Variants in SECISBP2L observed in about 807,000 individuals in gnomAD.
SECISBP2L encodes selenocysteine insertion sequence-binding protein 2-like.
A neutral mutation model predicts 114.7 loss-of-function variants in SECISBP2L; 43 were observed. That is an observed-to-expected ratio of 0.38 (90% CI 0.29 to 0.48). The LOEUF (loss-of-function observed/expected upper bound fraction) is 0.48, where lower values mean the gene tolerates loss of function less well. Among genes scored for constraint, SECISBP2L ranks in the 20% least tolerant of loss-of-function variants. The pLI, the probability that SECISBP2L is intolerant of heterozygous loss-of-function variation, is 0.98. For missense variants in SECISBP2L, 1,136 were observed against 1,301.1 expected (o/e 0.87, Z 1.95); for synonymous variants, 451 against 439.7 (o/e 1.03, Z -0.32).
intron 2 of SECISBP2L, among the ~76,000 whole-genome samples, chr15:49,036,043 A>G (rs1032245722): frequency 6.6e-6 from 1 of 152,336 alleles, no homozygotes; most frequent in East Asian, 1.9e-4. Flanking sequence ...AGCCTTCTGT[A>G]AAGAACAGAG....
chr15:49,031,125 T>G (rs1358047903), intron 4 of SECISBP2L, among the ~76,000 whole-genome samples: 1 of 141,474 alleles, frequency 7.1e-6, no homozygotes, highest in Non-Finnish European at 1.5e-5. Context: ...CTCGGCTCAC[T>G]GCAACCTCCG....
intron 7 of SECISBP2L, 143 bp downstream of exon 7, chr15:49,027,222 A>T: frequency 2.0e-6 from 1 of 504,042 alleles, no homozygotes; most frequent in East Asian, 3.0e-5. Flanking sequence ...AAGTAAGTTT[A>T]TTAGCTAAGC....
intron 4 of SECISBP2L, 57 bp from the exon 5 acceptor site, chr15:49,028,739 C>A: frequency 7.4e-7 from 1 of 1,358,102 alleles, no homozygotes; most frequent in South Asian, 1.2e-5. Flanking sequence ...GATAAATTCT[C>A]ATTAAATCAT....
intron 4 of SECISBP2L, among the ~76,000 whole-genome samples, chr15:49,031,048 TTTTTTTTTTTTTC>T (rs970874612): frequency 1.6e-5 from 2 of 127,106 alleles, no homozygotes; most frequent in African/African-American, 6.6e-5. Context: ...TTTTTTTTTT[TTTTTTTTTTTTTC>T]CCTTTTGAGA....
At chr15:49,023,853 G>C (rs1402489743) in intron 7 of SECISBP2L, among the ~76,000 whole-genome samples, 1 of 152,172 alleles carries the variant, frequency 6.6e-6, no homozygotes, top group Admixed American at 6.5e-5. Context: ...ATAATGAAGT[G>C]AAAAAACTCT....
rs1018891714 is a variant in SECISBP2L at position 49,028,695 on chromosome 15, G to A, written c.665-13C>T. 1.2e-6 allele frequency: 2 copies of A among 1,600,874 alleles called. No homozygotes were observed. Among genetic ancestry groups the A allele is most frequent in the African/African-American group, 1.3e-5 (1 of 74,622 alleles). ...TCTGATGGGAAATCTACAAAGGCAAGGAAAGTTTGACAATTCTTTGTGATG... is the reference window on the plus strand; with the variant it reads ...TCTGATGGGAAATCTACAAAGGCAAAGAAAGTTTGACAATTCTTTGTGATG... On this transcript the variant is annotated splice_polypyrimidine_tract_variant and intron_variant, in intron 4 of 17. Coordinates refer to ENST00000559471, the MANE Select transcript of SECISBP2L (RefSeq NM_001193489.2).
At chr15:49,039,311 A>T (rs1903072445) in intron 1 of SECISBP2L, among the ~76,000 whole-genome samples, 1 of 152,144 alleles carries the variant, frequency 6.6e-6, no homozygotes, top group African/African-American at 2.4e-5. Context: ...ACTCTGTGAT[A>T]TTCATTAGAA....
chr15:49,011,245 T>C (rs1053475510), intron 13 of SECISBP2L, among the ~76,000 whole-genome samples: 3 of 152,244 alleles, frequency 2.0e-5, no homozygotes, highest in Non-Finnish European at 2.9e-5. Context: ...TCATATGTGT[T>C]GCTACTTACT....
intron 14 of SECISBP2L, among the ~76,000 whole-genome samples, chr15:49,004,625 C>G (rs550762282): frequency 6.6e-6 from 1 of 152,170 alleles, no homozygotes; most frequent in Admixed American, 6.5e-5. Flanking sequence ...GATTCTAGTA[C>G]GTTGTGTCTT....
In SECISBP2L at chr15:49,011,823, G is replaced by A. The variant is rs1296265990; in HGVS notation, c.1772C>T (p.Thr591Ile). 1.9e-6 allele frequency: 3 copies of A among 1,614,094 alleles called. No individual in the cohort carries two copies. Among genetic ancestry groups the A allele is most frequent in the East Asian group, 4.5e-5 (2 of 44,860 alleles). Residue 591 changes from threonine (T) to isoleucine (I), a missense_variant, in exon 13 of 18, where the codon ACT becomes ATT. Thr to Ile is a moderately conservative substitution (Grantham distance 89). This residue lies in a region of SECISBP2L where 684 missense variants were observed against 848.7 expected (regional missense o/e 0.81). Coordinates refer to ENST00000559471, the MANE Select transcript of SECISBP2L (RefSeq NM_001193489.2). ...GGATCCCAAAAGATTGTGGTCCACA[G>A]TTAAGCGCCCCTTCTTTTCCTCTCT... ...KEREEKKGRL[T>I]VDHNLLGSEE...
At chr15:48,999,696 A>C (rs1902164165) in intron 16 of SECISBP2L, 137 bp downstream of exon 16, 2 of 911,484 alleles carry the variant, frequency 2.2e-6, no homozygotes, top group South Asian at 2.3e-5. Flanking sequence ...ATACTCAAAA[A>C]ATTTCCATTT....
chr15:49,044,103 T>C (rs551262883), intron 1 of SECISBP2L, among the ~76,000 whole-genome samples: 65 of 152,208 alleles, frequency 4.3e-4, no homozygotes, highest in African/African-American at 1.5e-3. Context: ...CTATAATGAG[T>C]AAGTTTTAAT....
At chr15:49,041,921 A>G (rs1366562590) in intron 1 of SECISBP2L, among the ~76,000 whole-genome samples, 1 of 152,210 alleles carries the variant, frequency 6.6e-6, no homozygotes, top group Non-Finnish European at 1.5e-5. Context: ...TAAAATGCCG[A>G]AACAAAACAC....
intron 11 of SECISBP2L, among the ~76,000 whole-genome samples, chr15:49,014,604 A>T (rs1331538563): frequency 6.6e-6 from 1 of 152,122 alleles, no homozygotes; most frequent in Non-Finnish European, 1.5e-5. Flanking sequence ...TTCAAGACAG[A>T]ATCTGGAGTC....
chr15:49,016,571 A>G lies in SECISBP2L; in HGVS notation c.1550T>C (p.Leu517Pro). The change falls in exon 11 of 18, where the codon CTG (leucine) becomes CCG (proline). Residue 517 changes from leucine to proline, a missense_variant. By Grantham distance (98) the Leu-to-Pro change is moderately conservative. Around this residue, in one of 2 missense-constraint regions of SECISBP2L, gnomAD observed 684 missense variants for 848.7 expected, o/e 0.81. Transcript: ENST00000559471. ...ACTAATGATATCACCTGTATATGACAGAGGTCTGGTGTTAGTAATTTGCCG... is the reference window on the plus strand; with the variant it reads ...ACTAATGATATCACCTGTATATGACGGAGGTCTGGTGTTAGTAATTTGCCG... ...KARQITNTRPLSYTVVTAASF... is the reference protein window; with the variant it reads ...KARQITNTRPPSYTVVTAASF... 6.2e-7 allele frequency: 1 copy of G among 1,608,366 alleles called. No individual in the cohort carries two copies. Among genetic ancestry groups the G allele is most frequent in the Non-Finnish European group, 8.5e-7 (1 of 1,177,500 alleles).
Position 49,028,165 on chromosome 15 carries a change from C to T in SECISBP2L, c.898G>A (p.Val300Met). 1 of 1,577,386 alleles carries T rather than the reference C, an allele frequency of 6.3e-7. No individual in the cohort carries two copies. The highest frequency in any genetic ancestry group is 8.6e-7 in the Non-Finnish European group (1 of 1,161,502). Residue 300 changes from valine to methionine, a missense_variant, in exon 6 of 18, where the codon GTG (valine) becomes ATG (methionine). Around this residue, in one of 2 missense-constraint regions of SECISBP2L, gnomAD observed 452 missense variants for 452.3 expected, o/e 1.00. Transcript: ENST00000559471. Reference protein sequence around the residue: ...RNPDSGTMNHVESSMCAGGVN... With the variant: ...RNPDSGTMNHMESSMCAGGVN... The stretch of plus-strand genomic sequence containing the variant: ...GTACCTGCACACATAGATGATTCCA[C>T]ATGCTAAAAAAAGAAACAAAAAGAC...
intron 13 of SECISBP2L, among the ~76,000 whole-genome samples, chr15:49,010,153 A>ACACACACACACACACACACACT (rs1190593953): frequency 6.8e-6 from 1 of 147,382 alleles, no homozygotes; most frequent in Admixed American, 6.8e-5. Context: ...ACACACACAC[A>ACACACACACACACACACACACT]CCCCTCTTGC....
intron 7 of SECISBP2L, among the ~76,000 whole-genome samples, chr15:49,020,491 A>G (rs1902620802): frequency 6.6e-6 from 1 of 152,028 alleles, no homozygotes. Context: ...AGATTAAGGC[A>G]TGAGTCACAT....
At position 48,990,433 on chromosome 15, in the gene SECISBP2L, T is replaced by C. The variant is rs188369340; in HGVS notation, c.*1811A>G. On this transcript the variant is annotated 3_prime_UTR_variant, in exon 18 of 18. Transcript: ENST00000559471. ...GTACTATTTCAGAGGCTTCATTCCT[T>C]ACCTGCTGTGTTCCTTTAAATATTG... is the stretch of plus-strand genomic sequence containing the variant. 3.3e-5 allele frequency: 5 copies of C among 152,512 alleles called. No homozygotes were observed. Among genetic ancestry groups the C allele is most frequent in the Admixed American group, 3.3e-4 (5 of 15,308 alleles). The allele number at this position is 152,512 out of a possible 1,614,324, so 9.4% of individuals were successfully genotyped here.
Sources: allele counts gnomAD v4.1 joint callset (sites outside exome capture counted in the v4.1 genomes callset), GRCh38; gene constraint gnomAD v4.1.1; regional missense constraint gnomAD v4.1.1; transcripts MANE v1.5; gene names NCBI Gene and HGNC (gene_info 2026-07-23, HGNC 2026-07-21).